The following ANGEL2 variants were observed in gnomAD, a reference collection of about 807,000 sequenced individuals.
ANGEL2 encodes angel homolog 2, also known as RNA 2',3'-cyclic phosphatase ANGEL2.
In ANGEL2, 41 loss-of-function variants were observed where a neutral mutation model predicts 66.0. The observed-to-expected ratio is 0.62, with a 90% CI of 0.48 to 0.81. The LOEUF is 0.81. Among genes scored for constraint, ANGEL2 ranks in the 30% least tolerant of loss-of-function variants. The pLI, the probability that ANGEL2 is intolerant of heterozygous loss-of-function variation, is 0.00. For synonymous variants in ANGEL2, 208 were observed against 226.5 expected (o/e 0.92, Z 0.73); for missense variants, 561 against 641.6 (o/e 0.87, Z 1.36).
intron 6 of ANGEL2, 111 bp downstream of exon 6, chr1:213,000,675 T>G: frequency 8.5e-7 from 1 of 1,180,486 alleles, no homozygotes. Context: ...TACATATTTA[T>G]ATATATGAAT....
In ANGEL2 at chr1:213,008,453, C is replaced by G. The variant is rs1165839289; in HGVS notation, c.399G>C (p.Arg133=). Residue 133 remains arginine, a synonymous_variant, in exon 3 of 9, where the codon CGG becomes CGC. Transcript: ENST00000366962. ...CATGGCTACATATATATTCCCAATT[C>G]CGCTTTATCACACCTGTTAAAATAT... ...KRRKHQGVIK[R]NWEYICSHDK... 1.9e-6 allele frequency: 3 copies of G among 1,612,766 alleles called. No homozygotes were observed. The highest frequency in any genetic ancestry group is 2.2e-5 in the East Asian group (1 of 44,870).
At chr1:212,998,261 G>C (rs1359100596) in intron 7 of ANGEL2, among the ~76,000 whole-genome samples, 2 of 151,172 alleles carry the variant, frequency 1.3e-5, no homozygotes, top group Non-Finnish European at 2.9e-5. Flanking sequence ...AAGTAGCTAC[G>C]CGTGGAGGCA....
At chr1:213,002,903 G>C (rs181930404) in intron 5 of ANGEL2, among the ~76,000 whole-genome samples, 5 of 146,710 alleles carry the variant, frequency 3.4e-5, no homozygotes, top group African/African-American at 1.3e-4. Flanking sequence ...GGGCAACAGC[G>C]CGAGATCCTG....
intron 3 of ANGEL2, 22 bp from the exon 4 acceptor site, chr1:213,007,220 G>C: frequency 9.3e-6 from 14 of 1,512,970 alleles, no homozygotes; most frequent in Non-Finnish European, 1.2e-5. Context: ...AAAATAGCTT[G>C]AATTAGAACA....
rs1336927466 is a variant in ANGEL2 at position 213,000,343 on chromosome 1, G to A, written c.1302C>T (p.Val434=). The change falls in exon 7 of 9, where the codon GTC becomes GTT. Residue 434 remains valine (V), a synonymous_variant. Coordinates refer to ENST00000366962, the MANE Select transcript of ANGEL2 (RefSeq NM_144567.5). ...LTQTQLKQTE[V]LVTAEKLSSN... ...GAACTCACTTTTCAGCTGTCACTAG[G>A]ACCTCTGTTTGCTTCAGCTGTGTTT... The A allele has an allele frequency of 6.2e-7, 1 of 1,613,602 alleles. No homozygotes were observed. Among genetic ancestry groups the A allele is most frequent in the Admixed American group, 1.7e-5 (1 of 59,978 alleles).
chr1:213,009,549 A>G (rs2076440289), intron 2 of ANGEL2, among the ~76,000 whole-genome samples: 1 of 152,202 alleles, frequency 6.6e-6, no homozygotes, highest in Non-Finnish European at 1.5e-5. Context: ...CTGGAATTCC[A>G]CCAATCAAAA....
rs551727034 is a variant in ANGEL2, at chr1:213,014,523, T to C, written c.59+1090A>G. ...TGCTTTGTGATAACTCTGAAAGCCATAGGAATTTGGGCACTTGGTCCATGC... is the reference window on the plus strand; with the variant it reads ...TGCTTTGTGATAACTCTGAAAGCCACAGGAATTTGGGCACTTGGTCCATGC... On this transcript the variant is annotated intron_variant, in intron 1 of 8. Transcript: ENST00000366962. Among the ~76,000 whole-genome samples, 14 of 152,354 alleles carry C rather than the reference T, an allele frequency of 9.2e-5. No individual in the cohort carries two copies. The South Asian group carries it at 2.3e-3, about 25-fold the overall frequency.
chr1:213,005,572 T>C (rs535740710), intron 4 of ANGEL2, 118 bp from the exon 5 acceptor site: 17 of 1,085,910 alleles, frequency 1.6e-5, no homozygotes, highest in Admixed American at 2.7e-5. Flanking sequence ...ACATTAGTAA[T>C]GTAGGATGTC....
rs1386846096 is a variant in ANGEL2 at position 213,015,699 on chromosome 1, C to G, written c.-28G>C. On this transcript the variant is annotated 5_prime_UTR_variant, in exon 1 of 9. Coordinates refer to ENST00000366962, the MANE Select transcript of ANGEL2 (RefSeq NM_144567.5). ...TCGCCCTCCGCGTGCGTCCAGTTCC[C>G]AGGCCCCGGGTTCCACCTCAATCTC... is the stretch of plus-strand genomic sequence containing the variant. 3.7e-6 allele frequency: 6 copies of G among 1,614,152 alleles called. No homozygotes were observed. The East Asian group carries it at 1.1e-4, about 30-fold the overall frequency.
chr1:213,005,435 C>T lies in ANGEL2; in HGVS notation c.732G>A (p.Lys244=). The change falls in exon 5 of 9, where the codon AAG becomes AAA. Residue 244 remains lysine (K), a synonymous_variant. Coordinates refer to ENST00000366962, the MANE Select transcript of ANGEL2 (RefSeq NM_144567.5). ...CATCAGGTTTCCTTCCTGTCCGCAT[C>T]TTATATTCACAGTGATAACCTACAA... The part of the protein sequence containing the change: ...LESLGYHCEY[K]MRTGRKPDGC... 1 of 1,603,102 alleles carries T rather than the reference C, an allele frequency of 6.2e-7. No homozygotes were observed.
rs566011001 is a variant in ANGEL2 at position 212,993,742 on chromosome 1, A to T, written c.*1299T>A. 5.3e-5 allele frequency: 8 copies of T among 152,376 alleles called. No individual in the cohort carries two copies. Among genetic ancestry groups the T allele is most frequent in the African/African-American group, 1.9e-4 (8 of 41,588 alleles). The allele number at this position is 152,376 out of a possible 1,614,324, so 9.4% of individuals were successfully genotyped here. ...CATACTGGTGCATCACGGTAAAAGA[A>T]AACATTTTAGAAACAAAACCACTAA... is the stretch of plus-strand genomic sequence containing the variant. On this transcript the variant is annotated 3_prime_UTR_variant, in exon 9 of 9. Coordinates refer to ENST00000366962, the MANE Select transcript of ANGEL2 (RefSeq NM_144567.5).
chr1:212,996,124 G>A (rs1331248686), intron 8 of ANGEL2, among the ~76,000 whole-genome samples: 3 of 152,038 alleles, frequency 2.0e-5, no homozygotes, highest in African/African-American at 4.8e-5. Context: ...TGGCCAACAC[G>A]GTGAAATCCC....
intron 2 of ANGEL2, 92 bp downstream of exon 2, chr1:213,013,001 A>C (rs2076546618): frequency 1.5e-6 from 2 of 1,341,118 alleles, no homozygotes; most frequent in Non-Finnish European, 2.0e-6. Context: ...ACACCTCTAA[A>C]ACCTTAGGAG....
intron 1 of ANGEL2, among the ~76,000 whole-genome samples, chr1:213,014,668 G>C (rs371247225): frequency 6.6e-6 from 1 of 152,054 alleles, no homozygotes; most frequent in African/African-American, 2.4e-5. Flanking sequence ...AGCTCCTTCA[G>C]GGCCAGAACA....
At position 212,997,277 on chromosome 1, in the gene ANGEL2, A is replaced by G. The variant is rs754084991; in HGVS notation, c.1361T>C (p.Val454Ala). The G allele has an allele frequency of 1.2e-5, 20 of 1,612,608 alleles. No homozygotes were observed. The highest frequency in any genetic ancestry group is 1.7e-5 in the Non-Finnish European group (20 of 1,178,824). ...NLQHHFSLSS[V>A]YSHYFPDTGI... Reference sequence around the variant, plus strand: ...AGTGTCAGGAAAGTAATGTGAATAAACAGATGACAAACTGAAATGGTGCTG... The same window carrying G: ...AGTGTCAGGAAAGTAATGTGAATAAGCAGATGACAAACTGAAATGGTGCTG... The change falls in exon 8 of 9, where the codon GTT becomes GCT. Residue 454 changes from valine to alanine, a missense_variant. Transcript: ENST00000366962.
In ANGEL2 at chr1:213,000,879, T is replaced by A. The variant is rs774617855; in HGVS notation, c.1168A>T (p.Arg390Ter). The A allele has an allele frequency of 1.2e-6, 2 of 1,612,774 alleles. No homozygotes were observed. The highest frequency in any genetic ancestry group is 1.7e-6 in the Non-Finnish European group (2 of 1,179,784). Residue 390 changes from arginine to a stop codon, truncating the protein, a stop_gained, in exon 6 of 9, where the codon AGA (arginine) becomes TGA (stop). Transcript: ENST00000366962. LOFTEE classifies it high-confidence loss of function. ...GGCCAAATTGGAATAGATAAAATTC[T>A]TTGTCCCCGTGAAGACTGTTCCTGG... is the stretch of plus-strand genomic sequence containing the variant. ...SGQEQSSRGQ[R>*]ILSIPIWPPN...
intron 7 of ANGEL2, among the ~76,000 whole-genome samples, chr1:212,999,034 G>A (rs1050302218): frequency 1.3e-5 from 2 of 151,658 alleles, no homozygotes; most frequent in South Asian, 2.1e-4. Context: ...CACCATGCCC[G>A]GCTAATTTTT....
At chr1:213,014,925 TTA>T (rs1219985016) in intron 1 of ANGEL2, among the ~76,000 whole-genome samples, 1 of 152,180 alleles carries the variant, frequency 6.6e-6, no homozygotes, top group Non-Finnish European at 1.5e-5. Flanking sequence ...TTCTAAATAC[TTA>T]TGTTAGTTTA....
At chr1:212,996,168 A>C (rs184583713) in intron 8 of ANGEL2, among the ~76,000 whole-genome samples, 10 of 152,040 alleles carry the variant, frequency 6.6e-5, no homozygotes, top group South Asian at 2.1e-4. Flanking sequence ...TTAGCCGGGC[A>C]TGGTGGCGGG....
Sources: allele counts gnomAD v4.1 joint callset (sites outside exome capture counted in the v4.1 genomes callset), GRCh38; gene constraint gnomAD v4.1.1; transcripts MANE v1.5; gene names NCBI Gene and HGNC (gene_info 2026-07-23, HGNC 2026-07-21).